The following HGS variants were observed in gnomAD, a reference collection of about 807,000 sequenced individuals.
HGS encodes the protein hepatocyte growth factor-regulated tyrosine kinase substrate, also known as human growth factor-regulated tyrosine kinase substrate.
A neutral mutation model predicts 109.7 loss-of-function variants in HGS; 63 were observed. That is an observed-to-expected ratio of 0.57 (90% CI 0.47 to 0.71). HGS has a LOEUF of 0.71. Among genes scored for constraint, HGS ranks in the 30% least tolerant of loss-of-function variants. HGS has a pLI of 0.00. For missense variants in HGS, 995 were observed against 1,068.3 expected (o/e 0.93, Z 0.96); for synonymous variants, 546 against 437.3 (o/e 1.25, Z -3.10).
At chr17:81,688,570 C>G in intron 4 of HGS, 134 bp from the exon 5 acceptor site, 1 of 1,128,914 alleles carries the variant, frequency 8.9e-7, no homozygotes, top group Non-Finnish European at 1.3e-6. Context: ...CCACGCCCCA[C>G]TCGGGGGGCC....
At chr17:81,696,273 C>T (rs994956947) in intron 15 of HGS, 84 bp from the exon 16 acceptor site, 29 of 1,420,996 alleles carry the variant, frequency 2.0e-5, no homozygotes, top group East Asian at 7.4e-5. Flanking sequence ...GGGCACAGGG[C>T]GGCCCATCTG....
Position 81,700,478 on chromosome 17 carries a change from G to C in HGS, c.1894G>C (p.Val632Leu), listed in dbSNP as rs1375749586. Residue 632 changes from valine to leucine, a missense_variant, in exon 19 of 22, where the codon GTG becomes CTG. Val to Leu is a conservative substitution (Grantham distance 32). Transcript: ENST00000329138. ...MPSTAADPSM[V>L]SAYMYPAGAT... is the part of the protein sequence containing the mutation. ...CTTGTTTGTCACAGATCCCAGCATG[G>C]TGAGTGCCTACATGTACCCAGCAGG... 1 of 1,574,834 alleles carries C rather than the reference G, an allele frequency of 6.3e-7. No individual in the cohort carries two copies. The highest frequency in any genetic ancestry group is 8.6e-7 in the Non-Finnish European group (1 of 1,159,266).
At chr17:81,689,259 G>A (rs1007515988) in intron 5 of HGS, among the ~76,000 whole-genome samples, 8 of 152,240 alleles carry the variant, frequency 5.3e-5, no homozygotes, top group African/African-American at 1.9e-4. Context: ...GCAGAAAGGT[G>A]GCCAGCGTGC....
At chr17:81,684,905 T>C (rs1052553762) in intron 1 of HGS, 6 of 985,194 alleles carry the variant, frequency 6.1e-6, no homozygotes, top group Non-Finnish European at 7.2e-6. Context: ...GTTCAGTGCT[T>C]CAGGGATGAA....
In HGS at chr17:81,688,479, C is replaced by T. The variant is rs148648893; in HGVS notation, c.292-225C>T. Among the ~76,000 whole-genome samples the T allele has an allele frequency of 4.1e-4, 62 of 152,286 alleles. No homozygotes were observed. The East Asian group carries it at 9.5e-3, about 23-fold the overall frequency. On this transcript the variant is annotated intron_variant, in intron 4 of 21. Coordinates refer to ENST00000329138, the MANE Select transcript of HGS (RefSeq NM_004712.5). ...AGACAGATGGTCAGGGGCACAGAGA[C>T]GCGGCGTTGTTTGGCTCCAGCAAGT... is the stretch of plus-strand genomic sequence containing the variant.
intron 15 of HGS, 45 bp downstream of exon 15, chr17:81,696,044 G>C (rs776600991): frequency 2.0e-6 from 3 of 1,487,910 alleles, no homozygotes; most frequent in Non-Finnish European, 1.8e-6. Context: ...GCAGCCAGGT[G>C]TTGTGAGCGC....
chr17:81,699,948 G>A (rs1434902393), intron 18 of HGS, among the ~76,000 whole-genome samples: 2 of 151,956 alleles, frequency 1.3e-5, no homozygotes, highest in South Asian at 2.1e-4. Flanking sequence ...GGTGGTGCAC[G>A]CCTGTAATCC....
chr17:81,698,514 TC>T (rs1473347257), intron 18 of HGS, among the ~76,000 whole-genome samples: 1 of 152,158 alleles, frequency 6.6e-6, no homozygotes, highest in Non-Finnish European at 1.5e-5. Flanking sequence ...TTTGGGTTGC[TC>T]CTGAGTTTCT....
chr17:81,685,639 T>C lies in HGS; in HGVS notation c.72T>C (p.Asp24=). ...CCAGCCAGCTCCTGTTGGAGACAGA[T>C]TGGGAGTCCATTTTGCAGATCTGCG... ...KATSQLLLET[D]WESILQICDL... is the part of the protein sequence containing the mutation. Residue 24 remains aspartate (D), a synonymous_variant, in exon 2 of 22, where the codon GAT becomes GAC. Coordinates refer to ENST00000329138, the MANE Select transcript of HGS (RefSeq NM_004712.5). 1.2e-6 allele frequency: 2 copies of C among 1,612,164 alleles called. No individual in the cohort carries two copies. Among genetic ancestry groups the C allele is most frequent in the Admixed American group, 1.7e-5 (1 of 59,860 alleles).
At chr17:81,701,268 T>A (rs915660353) in intron 21 of HGS, 137 bp downstream of exon 21, 1 of 851,208 alleles carries the variant, frequency 1.2e-6, no homozygotes, top group Admixed American at 2.2e-5. Context: ...CCGAGGCCCC[T>A]TCTCAGCAGA....
chr17:81,688,623 G>A (rs1165409097), intron 4 of HGS, 81 bp from the exon 5 acceptor site: 1 of 1,561,696 alleles, frequency 6.4e-7, no homozygotes, highest in East Asian at 2.3e-5. Flanking sequence ...AGAGGCTGAG[G>A]TCTGCCAGCT....
Position 81,701,777 on chromosome 17 carries a change from C to T in HGS, c.*159C>T, listed in dbSNP as rs112155485. The T allele has an allele frequency of 2.8e-6, 3 of 1,077,226 alleles. No individual in the cohort carries two copies. The highest frequency in any genetic ancestry group is 5.5e-5 in the East Asian group (2 of 36,390). 66.7% of individuals were successfully genotyped at this position (1,077,226 alleles called of 1,614,324 possible). A position where few individuals can be genotyped will look rare whatever the true frequency, so the allele number is the denominator to read the frequency against. ...TCACCCCAAGCCCACCTCCCTTGTCCTCAGCCTACTGCAGTCCCTGAGTTA... is the reference window on the plus strand; with the variant it reads ...TCACCCCAAGCCCACCTCCCTTGTCTTCAGCCTACTGCAGTCCCTGAGTTA... On this transcript the variant is annotated 3_prime_UTR_variant, in exon 22 of 22. Coordinates refer to ENST00000329138, the MANE Select transcript of HGS (RefSeq NM_004712.5).
Position 81,696,818 on chromosome 17 carries a change from C to G in HGS, c.1708-6C>G. On this transcript the variant is annotated splice_region_variant and splice_polypyrimidine_tract_variant and intron_variant, in intron 17 of 21. Coordinates refer to ENST00000329138, the MANE Select transcript of HGS (RefSeq NM_004712.5). ...CAACTCTCACCGCTGTCTCTTTTGT[C>G]CCCAGCTCCAGGCCATGCCCGCAGC... The G allele has an allele frequency of 6.2e-7, 1 of 1,606,224 alleles. No individual in the cohort carries two copies. The highest frequency in any genetic ancestry group is 2.2e-5 in the East Asian group (1 of 44,668).
Position 81,700,453 on chromosome 17 carries a change from C to G in HGS, c.1883-14C>G, listed in dbSNP as rs370441729. The stretch of plus-strand genomic sequence containing the variant: ...GCCCTGGCTGAACCATCTCCCCTGT[C>G]TTGTTTGTCACAGATCCCAGCATGG... On this transcript the variant is annotated splice_polypyrimidine_tract_variant and intron_variant, in intron 18 of 21. Coordinates refer to ENST00000329138, the MANE Select transcript of HGS (RefSeq NM_004712.5). The G allele has an allele frequency of 1.3e-6, 2 of 1,546,238 alleles. No individual in the cohort carries two copies. Among genetic ancestry groups the G allele is most frequent in the African/African-American group, 1.4e-5 (1 of 72,712 alleles).
intron 2 of HGS, 158 bp from the exon 3 acceptor site, chr17:81,686,154 C>G: frequency 1.6e-6 from 1 of 634,496 alleles, no homozygotes; most frequent in East Asian, 2.8e-5. Flanking sequence ...TGGTCTCAGA[C>G]TCCTGGGCTC....
At position 81,696,341 on chromosome 17, in the gene HGS, T is replaced by C. The variant is rs1440487991; in HGVS notation, c.1394-16T>C. The C allele has an allele frequency of 1.3e-6, 2 of 1,552,374 alleles. No individual in the cohort carries two copies. The highest frequency in any genetic ancestry group is 4.1e-5 in the Admixed American group (2 of 48,730). On this transcript the variant is annotated splice_polypyrimidine_tract_variant and intron_variant, in intron 15 of 21. Coordinates refer to ENST00000329138, the MANE Select transcript of HGS (RefSeq NM_004712.5). ...TGTGCCGGAGTGGTCAGGGTTGCTC[T>C]GTCATCTGCCCACAGTGTACTATGA...
rs2037239878 is a variant in HGS, at chr17:81,701,679, C to G, written c.*61C>G. ...ACAGTTCACCTGAAACGCCTCGTCT[C>G]TAACTGCCGTCGTCCTGCCTCCCTG... On this transcript the variant is annotated 3_prime_UTR_variant, in exon 22 of 22. Coordinates refer to ENST00000329138, the MANE Select transcript of HGS (RefSeq NM_004712.5). 3 of 1,507,456 alleles carry G rather than the reference C, an allele frequency of 2.0e-6. No homozygotes were observed. The highest frequency in any genetic ancestry group is 1.4e-5 in the African/African-American group (1 of 72,562). The allele number at this position is 1,507,456 out of a possible 1,614,324, so 93.4% of individuals were successfully genotyped here. A position where few individuals can be genotyped will look rare whatever the true frequency, so the allele number is the denominator to read the frequency against.
intron 18 of HGS, chr17:81,697,230 G>A (rs1008238973): frequency 2.7e-5 from 13 of 481,928 alleles, no homozygotes; most frequent in East Asian, 2.0e-4. Flanking sequence ...ATGCGACAGC[G>A]AGCATTTCCT....
Position 81,691,183 on chromosome 17 carries a change from A to G in HGS, c.538-264A>G, listed in dbSNP as rs1736893919. The G allele has an allele frequency of 2.0e-6, 1 of 498,308 alleles. No individual in the cohort carries two copies. The highest frequency in any genetic ancestry group is 3.3e-5 in the Admixed American group (1 of 30,638). The allele number at this position is 498,308 out of a possible 1,614,324, so 30.9% of individuals were successfully genotyped here. A position where few individuals can be genotyped will look rare whatever the true frequency, so the allele number is the denominator to read the frequency against. The stretch of plus-strand genomic sequence containing the variant: ...CTGCACTCACAAAAGCTCTTGTTTT[A>G]TCAGCAGAATTGATGTGTATTTTTT... On this transcript the variant is annotated intron_variant, in intron 7 of 21. Coordinates refer to ENST00000329138, the MANE Select transcript of HGS (RefSeq NM_004712.5). The surrounding 1 kb of genome is among the most constrained non-coding windows in gnomAD (Gnocchi z 5.3).
Sources: allele counts gnomAD v4.1 joint callset (sites outside exome capture counted in the v4.1 genomes callset), GRCh38; gene constraint gnomAD v4.1.1; non-coding constraint Gnocchi (gnomAD v3.1); transcripts MANE v1.5; gene names NCBI Gene and HGNC (gene_info 2026-07-23, HGNC 2026-07-21).